Variants in COL4A2 observed in about 807,000 individuals in gnomAD.
COL4A2 encodes collagen alpha-2(IV) chain.
COL4A2 carries 99 observed loss-of-function variants against 200.2 expected under a neutral mutation model. The observed-to-expected ratio is 0.49, with a 90% CI of 0.42 to 0.58. COL4A2 has a LOEUF of 0.58. Ranked by LOEUF, COL4A2 falls within the 20% of genes least tolerant of loss-of-function variation. COL4A2 has a pLI of 0.00. For synonymous variants in COL4A2, 897 were observed against 900.6 expected, an observed-to-expected ratio of 1.00 and a Z score of 0.07; for missense variants, 1,950 against 2,314.1, an observed-to-expected ratio of 0.84 and a Z score of 3.23.
intron 4 of COL4A2, among the ~76,000 whole-genome samples, chr13:110,420,114 C>A (rs767631813): frequency 3.9e-5 from 6 of 152,068 alleles, no homozygotes; most frequent in Non-Finnish European, 8.8e-5. Context: ...TTATAGCAAG[C>A]CCCCAGGTGA....
At chr13:110,464,148 C>T (rs1882140207) in intron 24 of COL4A2, among the ~76,000 whole-genome samples, 1 of 152,110 alleles carries the variant, frequency 6.6e-6, no homozygotes, top group South Asian at 2.1e-4. Context: ...GGAGTTGGTG[C>T]CTTGTGAAGT....
chr13:110,509,494 A>G (rs1368969156), intron 47 of COL4A2, among the ~76,000 whole-genome samples: 1 of 152,072 alleles, frequency 6.6e-6, no homozygotes, highest in African/African-American at 2.4e-5. Context: ...GAAGCTTATC[A>G]TGGAAGGTGA....
intron 3 of COL4A2, among the ~76,000 whole-genome samples, chr13:110,335,483 G>C (rs142910402): frequency 6.6e-6 from 1 of 152,268 alleles, no homozygotes; most frequent in African/African-American, 2.4e-5. Context: ...CATGTAAGAC[G>C]TGCCTTTTGC....
At chr13:110,511,526 A>C (rs998248449) in intron 47 of COL4A2, among the ~76,000 whole-genome samples, 1 of 152,210 alleles carries the variant, frequency 6.6e-6, no homozygotes, top group South Asian at 2.1e-4. Context: ...TTTTCTTCTA[A>C]AAAGAGTAAA....
chr13:110,509,427 T>C (rs1231058303), intron 47 of COL4A2, among the ~76,000 whole-genome samples: 1 of 151,994 alleles, frequency 6.6e-6, no homozygotes, highest in Admixed American at 6.6e-5. Flanking sequence ...CTATGATAAG[T>C]TGGAGCAACA....
At chr13:110,308,969 C>T (rs781575948) in intron 3 of COL4A2, among the ~76,000 whole-genome samples, 5 of 152,228 alleles carry the variant, frequency 3.3e-5, no homozygotes, top group Non-Finnish European at 5.9e-5. Context: ...TGTCCCTCCT[C>T]TCCTTACTGT....
At chr13:110,421,906 G>A in intron 4 of COL4A2, among the ~76,000 whole-genome samples, 1 of 152,220 alleles carries the variant, frequency 6.6e-6, no homozygotes, top group Non-Finnish European at 1.5e-5. Context: ...AATTGAGGAA[G>A]GGTTGACGAA....
At chr13:110,376,989 T>C (rs1168794642) in intron 4 of COL4A2, among the ~76,000 whole-genome samples, 2 of 152,234 alleles carry the variant, frequency 1.3e-5, no homozygotes, top group Admixed American at 6.5e-5. Context: ...TCAGTGATCG[T>C]TGATCTTTAG....
chr13:110,417,013 ACT>A (rs1444077510), intron 4 of COL4A2, among the ~76,000 whole-genome samples: 2 of 145,722 alleles, frequency 1.4e-5, no homozygotes, highest in African/African-American at 5.1e-5. Flanking sequence ...ACAGAGTCTC[ACT>A]CTGTTGCCAG....
chr13:110,342,091 C>G (rs917304418), intron 3 of COL4A2, among the ~76,000 whole-genome samples: 1 of 152,032 alleles, frequency 6.6e-6, no homozygotes, highest in Non-Finnish European at 1.5e-5. Flanking sequence ...TGGTTGACCT[C>G]GGGTACAAGA....
rs146022521 is a variant in COL4A2 at position 110,440,913 on chromosome 13, C to T, written c.957+1080C>T. Among the ~76,000 whole-genome samples, 303 of 152,368 alleles carry T rather than the reference C, an allele frequency of 2.0e-3. 1 individual carries two copies. Among genetic ancestry groups the T allele is most frequent in the African/African-American group, 6.4e-3 (266 of 41,592 alleles). ...ACAAAAGAAATGTGTCTGTGCTGCT[C>T]TGCCCAGTGCCCCTTAGAGAATGTT... On this transcript the variant is annotated intron_variant, in intron 16 of 47. Transcript: ENST00000360467.
At chr13:110,445,605 G>A (rs1480268540) in intron 16 of COL4A2, among the ~76,000 whole-genome samples, 7 of 152,182 alleles carry the variant, frequency 4.6e-5, no homozygotes, top group East Asian at 1.9e-4. Flanking sequence ...CAGAGGCATA[G>A]CATCCAAGTG....
intron 10 of COL4A2, among the ~76,000 whole-genome samples, chr13:110,432,031 A>G (rs184039734): frequency 6.2e-3 from 950 of 152,296 alleles, no homozygotes; most frequent in Non-Finnish European, 0.011. Context: ...GGACCTTGCA[A>G]AGGGATCAGA....
chr13:110,428,556 C>G lies in COL4A2; in HGVS notation c.450C>G (p.Pro150=). 1.3e-6 allele frequency: 2 copies of G among 1,574,950 alleles called. No individual in the cohort carries two copies. The highest frequency in any genetic ancestry group is 1.7e-6 in the Non-Finnish European group (2 of 1,165,548). Residue 150 remains proline, a synonymous_variant, in exon 7 of 48, where the codon CCC becomes CCG. Coordinates refer to ENST00000360467, the MANE Select transcript of COL4A2 (RefSeq NM_001846.4). ...GAGACTCAGGTCCACAGGGGCCCCCCGGCTCTGAGGGGTTCACCGGGCCTC... is the reference window on the plus strand; with the variant it reads ...GAGACTCAGGTCCACAGGGGCCCCCGGGCTCTGAGGGGTTCACCGGGCCTC... ...TQGDSGPQGP[P]GSEGFTGPPG...
At chr13:110,370,180 G>T (rs1312335264) in intron 4 of COL4A2, among the ~76,000 whole-genome samples, 1 of 149,644 alleles carries the variant, frequency 6.7e-6, no homozygotes, top group Non-Finnish European at 1.5e-5. Context: ...CATTGCATTG[G>T]CTCACTAGTA....
chr13:110,462,295 G>A lies in COL4A2; in HGVS notation c.1687G>A (p.Gly563Ser), dbSNP rs905241418. The A allele has an allele frequency of 2.5e-6, 4 of 1,614,218 alleles. No homozygotes were observed. The highest frequency in any genetic ancestry group is 1.7e-5 in the Admixed American group (1 of 60,034). The change falls in exon 24 of 48, where the codon GGC (glycine) becomes AGC (serine). Residue 563 changes from glycine to serine, a missense_variant. Physicochemically the swap from Gly to Ser is moderately conservative, Grantham distance 56. Coordinates refer to ENST00000360467, the MANE Select transcript of COL4A2 (RefSeq NM_001846.4). ...CTTTCTAGGTGAGCGGGGACAGCCC[G>A]GCGTCCCAGGTGTGCCCGGGATGAA... ...ITTKGERGQP[G>S]VPGVPGMKGD...
At chr13:110,316,991 A>G (rs1035506835) in intron 3 of COL4A2, among the ~76,000 whole-genome samples, 3 of 152,150 alleles carry the variant, frequency 2.0e-5, no homozygotes, top group Admixed American at 1.3e-4. Context: ...ACACATACAT[A>G]TGCACCCTGT....
intron 47 of COL4A2, 120 bp from the exon 48 acceptor site, chr13:110,511,814 T>TA: frequency 6.7e-7 from 1 of 1,501,978 alleles, no homozygotes; most frequent in Admixed American, 2.0e-5. Flanking sequence ...CTCATGTCCG[T>TA]ATTGACACTC....
intron 4 of COL4A2, among the ~76,000 whole-genome samples, chr13:110,392,533 T>A (rs1237706972): frequency 1.3e-5 from 2 of 152,136 alleles, no homozygotes; most frequent in Non-Finnish European, 2.9e-5. Context: ...GTGTGTCCAC[T>A]CAGTATGTGA....
Sources: allele counts gnomAD v4.1 joint callset (sites outside exome capture counted in the v4.1 genomes callset), GRCh38; gene constraint gnomAD v4.1.1; transcripts MANE v1.5; gene names NCBI Gene and HGNC (gene_info 2026-07-23, HGNC 2026-07-21).